Variants in CSMD1 observed in about 807,000 individuals in gnomAD.
CSMD1 encodes CUB and sushi domain-containing protein 1.
Under a neutral mutation model 417.5 loss-of-function variants are expected in CSMD1, and 213 were observed. That is an observed-to-expected ratio of 0.51 (90% CI 0.46 to 0.57). The LOEUF (loss-of-function observed/expected upper bound fraction) is 0.57, where lower values mean the gene tolerates loss of function less well. Among genes scored for constraint, CSMD1 ranks in the 20% least tolerant of loss-of-function variants. The pLI is 0.00. For synonymous variants in CSMD1, 2,862 were observed against 1,736.8 expected, an observed-to-expected ratio of 1.65 and a Z score of -16.11; for missense variants, 6,923 against 4,529.7, an observed-to-expected ratio of 1.53 and a Z score of -15.17.
intron 3 of CSMD1, among the ~76,000 whole-genome samples, chr8:4,182,302 C>A (rs913141458): frequency 2.6e-5 from 4 of 152,072 alleles, no homozygotes; most frequent in Non-Finnish European, 4.4e-5. Flanking sequence ...AAGTTCTAAG[C>A]TTGCCCTTGG....
chr8:3,894,323 C>G (rs569856294), intron 5 of CSMD1, among the ~76,000 whole-genome samples: 2 of 152,146 alleles, frequency 1.3e-5, no homozygotes, highest in Non-Finnish European at 2.9e-5. Context: ...CCACTGAAAG[C>G]TTTGCTCTGG....
intron 12 of CSMD1, among the ~76,000 whole-genome samples, chr8:3,421,216 G>C (rs188820232): frequency 6.6e-6 from 1 of 152,298 alleles, no homozygotes; most frequent in Admixed American, 6.5e-5. Context: ...GGAGGAAAAT[G>C]CAGAGTCATT....
At chr8:4,547,125 T>G (rs1797673366) in intron 2 of CSMD1, among the ~76,000 whole-genome samples, 1 of 152,170 alleles carries the variant, frequency 6.6e-6, no homozygotes, top group Admixed American at 6.6e-5. Flanking sequence ...CCCCCAGACC[T>G]GTTTCTAAAT....
At chr8:4,651,243 G>C (rs888680353) in intron 1 of CSMD1, among the ~76,000 whole-genome samples, 1 of 152,120 alleles carries the variant, frequency 6.6e-6, no homozygotes, top group African/African-American at 2.4e-5. Flanking sequence ...AACAGCAAGA[G>C]GACAGTTTTA....
At chr8:3,672,588 G>C (rs976131334) in intron 7 of CSMD1, among the ~76,000 whole-genome samples, 1 of 152,178 alleles carries the variant, frequency 6.6e-6, no homozygotes, top group Non-Finnish European at 1.5e-5. Context: ...CCAATAATGT[G>C]TTTACATTTG....
intron 10 of CSMD1, among the ~76,000 whole-genome samples, chr8:3,569,998 A>G (rs1799879207): frequency 6.6e-6 from 1 of 152,258 alleles, no homozygotes; most frequent in South Asian, 2.1e-4. Context: ...AAGAAAATAT[A>G]TACAATGTCT....
chr8:3,039,312 CCCTT>C (rs1219638284), intron 50 of CSMD1, among the ~76,000 whole-genome samples: 1 of 151,170 alleles, frequency 6.6e-6, no homozygotes, highest in Non-Finnish European at 1.5e-5. Context: ...CTCTCTCCCT[CCCTT>C]CCTTCTTTTC....
At chr8:4,900,310 C>G (rs1331433950) in intron 1 of CSMD1, among the ~76,000 whole-genome samples, 6 of 152,176 alleles carry the variant, frequency 3.9e-5, no homozygotes. Flanking sequence ...CTCCTATGTC[C>G]TTAGGCTCCA....
In CSMD1 at chr8:4,563,524, G is replaced by T. The variant is rs80073917; in HGVS notation, c.302+73818C>A. 3.3e-5 allele frequency among the ~76,000 whole-genome samples: 5 copies of T among 152,186 alleles called. No individual in the cohort carries two copies. In the East Asian group the frequency reaches 9.7e-4, roughly 29 times the overall value. On this transcript the variant is annotated intron_variant, in intron 2 of 69. Transcript: ENST00000635120. Reference sequence around the variant, plus strand: ...GCCGGCTATACCTGCCCTGCCCCACGCACTGATACTCCTCACCACACATCC... The same window carrying T: ...GCCGGCTATACCTGCCCTGCCCCACTCACTGATACTCCTCACCACACATCC...
chr8:3,471,485 C>A (rs536001673), intron 11 of CSMD1, among the ~76,000 whole-genome samples: 3 of 95,280 alleles, frequency 3.1e-5, no homozygotes, highest in East Asian at 2.0e-4. Flanking sequence ...GGCTTAGTTC[C>A]TTCCTTCTTT....
intron 12 of CSMD1, among the ~76,000 whole-genome samples, chr8:3,467,546 TC>T (rs1168202463): frequency 6.6e-6 from 1 of 152,220 alleles, no homozygotes; most frequent in Admixed American, 6.5e-5. Flanking sequence ...ACATTTTTTG[TC>T]GTAGTATTTC....
At chr8:4,026,176 T>C (rs1797055484) in intron 4 of CSMD1, among the ~76,000 whole-genome samples, 1 of 152,218 alleles carries the variant, frequency 6.6e-6, no homozygotes, top group Non-Finnish European at 1.5e-5. Flanking sequence ...TTTACAAGAA[T>C]TAGATCATTT....
intron 3 of CSMD1, among the ~76,000 whole-genome samples, chr8:4,047,895 G>C (rs969112967): frequency 3.9e-5 from 6 of 152,064 alleles, no homozygotes; most frequent in Non-Finnish European, 8.8e-5. Flanking sequence ...TGAGCCTTTA[G>C]TTTGATTTTA....
rs776238949 is a variant in CSMD1 at position 3,348,030 on chromosome 8, T to C, written c.3436A>G (p.Thr1146Ala). The C allele has an allele frequency of 4.4e-6, 7 of 1,609,098 alleles. No individual in the cohort carries two copies. The highest frequency in any genetic ancestry group is 5.9e-6 in the Non-Finnish European group (7 of 1,177,384). Residue 1146 changes from threonine (T) to alanine (A), a missense_variant, in exon 22 of 70, where the codon ACA becomes GCA. Thr to Ala is a moderately conservative substitution (Grantham distance 58). Coordinates refer to ENST00000635120, the MANE Select transcript of CSMD1 (RefSeq NM_033225.6). ...CCTTCAAACAGCTGGAAGCTTCGTG[T>C]TCTAAGGTGGATGCCCTTGCCGGCT... is the stretch of plus-strand genomic sequence containing the variant. ...TEAGKGIHLRTRSFQLFEGDT... is the reference protein window; with the variant it reads ...TEAGKGIHLRARSFQLFEGDT...
At chr8:3,250,806 A>C (rs927556039) in intron 26 of CSMD1, among the ~76,000 whole-genome samples, 5 of 152,152 alleles carry the variant, frequency 3.3e-5, no homozygotes, top group Non-Finnish European at 7.3e-5. Flanking sequence ...CATTTCTCTG[A>C]TGGCCAGTGA....
At chr8:3,652,910 G>A (rs553846317) in intron 7 of CSMD1, among the ~76,000 whole-genome samples, 3 of 152,132 alleles carry the variant, frequency 2.0e-5, no homozygotes, top group Non-Finnish European at 2.9e-5. Flanking sequence ...ATGAATAAAC[G>A]AATGAATAAA....
chr8:3,700,049 A>G (rs769335951), intron 7 of CSMD1, among the ~76,000 whole-genome samples: 8 of 152,200 alleles, frequency 5.3e-5, no homozygotes, highest in Non-Finnish European at 8.8e-5. Context: ...CAGAGAACAA[A>G]GTAGAAAATA....
chr8:4,077,211 G>A (rs944345043), intron 3 of CSMD1, among the ~76,000 whole-genome samples: 4 of 149,894 alleles, frequency 2.7e-5, no homozygotes, highest in Non-Finnish European at 5.9e-5. Context: ...ATCCAGATGA[G>A]AGCTCTGTGA....
intron 12 of CSMD1, among the ~76,000 whole-genome samples, chr8:3,457,568 G>A (rs1050553432): frequency 1.3e-5 from 2 of 152,136 alleles, no homozygotes; most frequent in Non-Finnish European, 2.9e-5. Flanking sequence ...TATGTACGCG[G>A]TTTAAAAAAC....
Sources: allele counts gnomAD v4.1 joint callset (sites outside exome capture counted in the v4.1 genomes callset), GRCh38; gene constraint gnomAD v4.1.1; transcripts MANE v1.5; gene names NCBI Gene and HGNC (gene_info 2026-07-23, HGNC 2026-07-21).